BBLN: variants seen among roughly 807,000 people sequenced by gnomAD.
BBLN encodes bublin coiled-coil protein.
Under a neutral mutation model 7.6 loss-of-function variants are expected in BBLN, and 6 were observed. That is an observed-to-expected ratio of 0.79 (90% CI 0.43 to 1.55). The LOEUF is 1.55. Ranked by LOEUF, BBLN falls within the 40% of genes most tolerant of loss-of-function variation. BBLN has a pLI of 0.01. For synonymous variants in BBLN, 35 were observed against 46.7 expected (o/e 0.75, Z 1.02); for missense variants, 100 against 111.1 (o/e 0.90, Z 0.45).
chr9:128,160,630 A>G, intron 1 of BBLN, 144 bp downstream of exon 1: 1 of 654,290 alleles, frequency 1.5e-6, no homozygotes, highest in Non-Finnish European at 2.5e-6. Flanking sequence ...GCTGTCTCGG[A>G]TGCAGGGCGA....
At position 128,163,657 on chromosome 9, in the gene BBLN, G is replaced by T; in HGVS notation, c.*42G>T. On this transcript the variant is annotated 3_prime_UTR_variant, in exon 2 of 2. Transcript: ENST00000372994. The surrounding 1 kb of genome is among the most constrained non-coding windows in gnomAD (Gnocchi z 5.7). Reference sequence around the variant, plus strand: ...ACCGGGACCCAACCCTGCCTCCCTGGGCTAGGCTCTGGCCTGGGCACTCAC... The same window carrying T: ...ACCGGGACCCAACCCTGCCTCCCTGTGCTAGGCTCTGGCCTGGGCACTCAC... The T allele has an allele frequency of 7.0e-7, 1 of 1,433,056 alleles. No individual in the cohort carries two copies. The allele number at this position is 1,433,056 out of a possible 1,614,324, so 88.8% of individuals were successfully genotyped here.
At position 128,160,265 on chromosome 9, in the gene BBLN, C is replaced by T. The variant is rs1313002031; in HGVS notation, c.-143C>T. The T allele has an allele frequency of 2.3e-6, 1 of 427,112 alleles. No individual in the cohort carries two copies. Among genetic ancestry groups the T allele is most frequent in the Admixed American group, 4.4e-5 (1 of 22,614 alleles). 26.5% of individuals were successfully genotyped at this position (427,112 alleles called of 1,614,324 possible). ...CCGGCTTCAGGGGCGGGGCACCGGC[C>T]TCTGGGCGGAGATCTGCTGCCGCGT... On this transcript the variant is annotated 5_prime_UTR_variant, in exon 1 of 2. Transcript: ENST00000372994.
chr9:128,161,064 C>G (rs1829249293), intron 1 of BBLN, among the ~76,000 whole-genome samples: 1 of 98,368 alleles, frequency 1.0e-5, no homozygotes, highest in Non-Finnish European at 2.0e-5. Context: ...GTCTGCTGCA[C>G]TGGGATGTGT....
intron 1 of BBLN, 80 bp downstream of exon 1, chr9:128,160,566 G>A: frequency 2.0e-6 from 2 of 975,730 alleles, no homozygotes; most frequent in East Asian, 3.2e-5. Flanking sequence ...TGGGGTCTCG[G>A]AAGGGAACAA....
Position 128,163,450 on chromosome 9 carries a change from T to G in BBLN, c.87T>G (p.Ala29=). 1 of 1,556,152 alleles carries G rather than the reference T, an allele frequency of 6.4e-7. No individual in the cohort carries two copies. The change falls in exon 2 of 2, where the codon GCT becomes GCG. Residue 29 remains alanine, a synonymous_variant. Transcript: ENST00000372994. This position sits in a 1 kb window ranked among gnomAD's most constrained non-coding sequence, Gnocchi z 5.7. ...EEDGFGEAEY[A]AINSMLDQIN... Reference sequence around the variant, plus strand: ...CTTTCGCCTTCCTCCCAGAATACGCTGCCATCAACTCCATGCTGGACCAGA... The same window carrying G: ...CTTTCGCCTTCCTCCCAGAATACGCGGCCATCAACTCCATGCTGGACCAGA...
chr9:128,163,764 G>A lies in BBLN; in HGVS notation c.*149G>A. On this transcript the variant is annotated 3_prime_UTR_variant, in exon 2 of 2. Transcript: ENST00000372994. This position sits in a 1 kb window ranked among gnomAD's most constrained non-coding sequence, Gnocchi z 5.7. ...CCTGCCTGGGCCACCCTTCCTGCCTGGGCCTCCCCTTGGCCTACCTGGGCC... is the reference window on the plus strand; with the variant it reads ...CCTGCCTGGGCCACCCTTCCTGCCTAGGCCTCCCCTTGGCCTACCTGGGCC... 2.9e-6 allele frequency: 2 copies of A among 685,488 alleles called. No individual in the cohort carries two copies. The highest frequency in any genetic ancestry group is 2.2e-5 in the South Asian group (1 of 45,006). 42.5% of individuals were successfully genotyped at this position (685,488 alleles called of 1,614,324 possible). A position where few individuals can be genotyped will look rare whatever the true frequency, so the allele number is the denominator to read the frequency against.
intron 1 of BBLN, 152 bp downstream of exon 1, chr9:128,160,638 C>A: frequency 1.7e-6 from 1 of 603,026 alleles, no homozygotes. Context: ...GGATGCAGGG[C>A]GAGCACCCGC....
At chr9:128,161,087 C>CAAAAAAAAAAAAAAAAAAA (rs10524542) in intron 1 of BBLN, among the ~76,000 whole-genome samples, 1 of 125,942 alleles carries the variant, frequency 7.9e-6, no homozygotes, top group Admixed American at 8.9e-5. Flanking sequence ...GAATTAAATG[C>CAAAAAAAAAAAAAAAAAAA]AAAAAAAAGG....
intron 1 of BBLN, among the ~76,000 whole-genome samples, chr9:128,160,957 A>AC (rs1349930330): frequency 1.3e-5 from 2 of 152,154 alleles, no homozygotes; most frequent in Non-Finnish European, 2.9e-5. Context: ...TTGCGTGCTT[A>AC]CGAGTGCAGG....
Position 128,163,911 on chromosome 9 carries a change from A to C in BBLN, c.*296A>C, listed in dbSNP as rs1564229279. 3 of 359,130 alleles carry C rather than the reference A, an allele frequency of 8.4e-6. No individual in the cohort carries two copies. The highest frequency in any genetic ancestry group is 1.0e-5 in the Non-Finnish European group (2 of 197,288). The allele number at this position is 359,130 out of a possible 1,614,324, so 22.2% of individuals were successfully genotyped here. On this transcript the variant is annotated 3_prime_UTR_variant, in exon 2 of 2. Coordinates refer to ENST00000372994, the MANE Select transcript of BBLN (RefSeq NM_024112.4). The surrounding 1 kb of genome is among the most constrained non-coding windows in gnomAD (Gnocchi z 5.7). ...CCCAGGCCTTGAGTGTCCACATTAAATGGGTCTCCCACACCGCTGTGCCTC... is the reference window on the plus strand; with the variant it reads ...CCCAGGCCTTGAGTGTCCACATTAACTGGGTCTCCCACACCGCTGTGCCTC...
chr9:128,160,591 C>G (rs1295961079), intron 1 of BBLN, 105 bp downstream of exon 1: 1 of 821,976 alleles, frequency 1.2e-6, no homozygotes, highest in African/African-American at 1.8e-5. Context: ...CCCACCCATT[C>G]CGCCCCGAGC....
rs1829242514 is a variant in BBLN, at chr9:128,160,471, G to A, written c.64G>A (p.Gly22Ser). 7.9e-7 allele frequency: 1 copy of A among 1,267,152 alleles called. No homozygotes were observed. Among genetic ancestry groups the A allele is most frequent in the Non-Finnish European group, 1.0e-6 (1 of 997,882 alleles). 78.5% of individuals were successfully genotyped at this position (1,267,152 alleles called of 1,614,324 possible). A position where few individuals can be genotyped will look rare whatever the true frequency, so the allele number is the denominator to read the frequency against. Residue 22 changes from glycine (G) to serine (S), a missense_variant, in exon 1 of 2, where the codon GGC (glycine) becomes AGC (serine). Transcript: ENST00000372994. ...VEAGAEGEED[G>S]FGEAEYAAIN... is the part of the protein sequence containing the mutation. Reference sequence around the variant, plus strand: ...GGCGGGAGCGGAAGGCGAGGAGGACGGCTTCGGGGAAGCAGGTGACCCGAG... The same window carrying A: ...GGCGGGAGCGGAAGGCGAGGAGGACAGCTTCGGGGAAGCAGGTGACCCGAG...
At position 128,163,737 on chromosome 9, in the gene BBLN, T is replaced by A. The variant is rs1369586650; in HGVS notation, c.*122T>A. The A allele has an allele frequency of 2.3e-6, 2 of 888,850 alleles. No homozygotes were observed. The highest frequency in any genetic ancestry group is 3.6e-5 in the Admixed American group (1 of 27,456). The allele number at this position is 888,850 out of a possible 1,614,324, so 55.1% of individuals were successfully genotyped here. On this transcript the variant is annotated 3_prime_UTR_variant, in exon 2 of 2. Coordinates refer to ENST00000372994, the MANE Select transcript of BBLN (RefSeq NM_024112.4). The surrounding 1 kb of genome is among the most constrained non-coding windows in gnomAD (Gnocchi z 5.7). ...GGCCTTCAGGGACCCCTGGTGGGTC[T>A]GCCTGCCTGGGCCACCCTTCCTGCC...
Position 128,160,354 on chromosome 9 carries a change from G to T in BBLN, c.-54G>T. On this transcript the variant is annotated 5_prime_UTR_variant, in exon 1 of 2. Coordinates refer to ENST00000372994, the MANE Select transcript of BBLN (RefSeq NM_024112.4). ...CTTCCATCCGGCGCCGGCTTTCGGCGCGACGGTCGCCGCGTTCCATCGTCG... is the reference window on the plus strand; with the variant it reads ...CTTCCATCCGGCGCCGGCTTTCGGCTCGACGGTCGCCGCGTTCCATCGTCG... The T allele has an allele frequency of 3.6e-6, 4 of 1,113,740 alleles. No homozygotes were observed. Among genetic ancestry groups the T allele is most frequent in the Non-Finnish European group, 4.6e-6 (4 of 874,442 alleles). 69.0% of individuals were successfully genotyped at this position (1,113,740 alleles called of 1,614,324 possible).
rs117376966 is a variant in BBLN at position 128,163,341 on chromosome 9, A to G, written c.80-102A>G. 1.1e-3 allele frequency: 1,313 copies of G among 1,151,374 alleles called. 23 individuals are homozygous for G. The East Asian group carries it at 0.031, about 27-fold the overall frequency. The allele number at this position is 1,151,374 out of a possible 1,614,324, so 71.3% of individuals were successfully genotyped here. ...GGCTCAGGAAGCAGTAGGGACTTGCACAAAGCCCTTTGGGAAGCAGGCTGG... is the reference window on the plus strand; with the variant it reads ...GGCTCAGGAAGCAGTAGGGACTTGCGCAAAGCCCTTTGGGAAGCAGGCTGG... On this transcript the variant is annotated intron_variant, in intron 1 of 1. Transcript: ENST00000372994. The surrounding 1 kb of genome is among the most constrained non-coding windows in gnomAD (Gnocchi z 5.7).
At position 128,163,751 on chromosome 9, in the gene BBLN, A is replaced by C; in HGVS notation, c.*136A>C. On this transcript the variant is annotated 3_prime_UTR_variant, in exon 2 of 2. Transcript: ENST00000372994. The surrounding 1 kb of genome is among the most constrained non-coding windows in gnomAD (Gnocchi z 5.7). Reference sequence around the variant, plus strand: ...CCTGGTGGGTCTGCCTGCCTGGGCCACCCTTCCTGCCTGGGCCTCCCCTTG... The same window carrying C: ...CCTGGTGGGTCTGCCTGCCTGGGCCCCCCTTCCTGCCTGGGCCTCCCCTTG... 4.0e-6 allele frequency: 3 copies of C among 747,938 alleles called. No homozygotes were observed. The highest frequency in any genetic ancestry group is 1.8e-5 in the African/African-American group (1 of 55,146). 46.3% of individuals were successfully genotyped at this position (747,938 alleles called of 1,614,324 possible). A position where few individuals can be genotyped will look rare whatever the true frequency, so the allele number is the denominator to read the frequency against.
rs984724841 is a variant in BBLN, at chr9:128,160,303, G to A, written c.-105G>A. 41 of 578,074 alleles carry A rather than the reference G, an allele frequency of 7.1e-5. 1 individual carries two copies. Among genetic ancestry groups the A allele is most frequent in the Non-Finnish European group, 9.0e-5 (35 of 387,876 alleles). The allele number at this position is 578,074 out of a possible 1,614,324, so 35.8% of individuals were successfully genotyped here. A position where few individuals can be genotyped will look rare whatever the true frequency, so the allele number is the denominator to read the frequency against. On this transcript the variant is annotated 5_prime_UTR_variant, in exon 1 of 2. Transcript: ENST00000372994. ...TCTGCTGCCGCGTTCTACCCTTCCG[G>A]CCCGTGTTCTATCCGCCGCCTCCAC... is the stretch of plus-strand genomic sequence containing the variant.
In BBLN at chr9:128,163,832, C is replaced by T; in HGVS notation, c.*217C>T. The stretch of plus-strand genomic sequence containing the variant: ...ATGCCCTCCTGGGGCCAAGAGTGGG[C>T]CTGCAACCCACCCACTTGCCTGCCC... On this transcript the variant is annotated 3_prime_UTR_variant, in exon 2 of 2. Coordinates refer to ENST00000372994, the MANE Select transcript of BBLN (RefSeq NM_024112.4). This position sits in a 1 kb window ranked among gnomAD's most constrained non-coding sequence, Gnocchi z 5.7. 2 of 491,464 alleles carry T rather than the reference C, an allele frequency of 4.1e-6. No homozygotes were observed. Among genetic ancestry groups the T allele is most frequent in the South Asian group, 3.4e-5 (1 of 29,820 alleles). The allele number at this position is 491,464 out of a possible 1,614,324, so 30.4% of individuals were successfully genotyped here.
In BBLN at chr9:128,160,378, C is replaced by T. The variant is rs1820218682; in HGVS notation, c.-30C>T. On this transcript the variant is annotated 5_prime_UTR_variant, in exon 1 of 2. Coordinates refer to ENST00000372994, the MANE Select transcript of BBLN (RefSeq NM_024112.4). Reference sequence around the variant, plus strand: ...CGCGACGGTCGCCGCGTTCCATCGTCGCGCGGCCCTTCGGGCGCCCGAGCC... The same window carrying T: ...CGCGACGGTCGCCGCGTTCCATCGTTGCGCGGCCCTTCGGGCGCCCGAGCC... The T allele has an allele frequency of 7.3e-6, 9 of 1,229,470 alleles. No individual in the cohort carries two copies. The South Asian group carries it at 2.9e-4, about 39-fold the overall frequency. The allele number at this position is 1,229,470 out of a possible 1,614,324, so 76.2% of individuals were successfully genotyped here.
Sources: allele counts gnomAD v4.1 joint callset (sites outside exome capture counted in the v4.1 genomes callset), GRCh38; gene constraint gnomAD v4.1.1; non-coding constraint Gnocchi (gnomAD v3.1); transcripts MANE v1.5; gene names NCBI Gene and HGNC (gene_info 2026-07-23, HGNC 2026-07-21).